The following EYS variants were observed in gnomAD, a reference collection of about 807,000 sequenced individuals.
The protein encoded by EYS is EGF-like photoreceptor maintenance factor.
A neutral mutation model predicts 282.1 loss-of-function variants in EYS; 250 were observed. That is an observed-to-expected ratio of 0.89 (90% CI 0.80 to 0.98). The LOEUF (loss-of-function observed/expected upper bound fraction) is 0.98. Ranked by LOEUF, EYS falls within the 50% of genes least tolerant of loss-of-function variation. EYS has a pLI of 0.00. For synonymous variants in EYS, 1,355 were observed against 1,282.9 expected (o/e 1.06, Z -1.20); for missense variants, 4,016 against 3,709.0 (o/e 1.08, Z -2.15).
chr6:65,077,034 C>G (rs1352561614), intron 12 of EYS, among the ~76,000 whole-genome samples: 1 of 151,798 alleles, frequency 6.6e-6, no homozygotes, highest in African/African-American at 2.4e-5. Flanking sequence ...AACAATGGGG[C>G]AAAAAGTCAA....
At chr6:64,073,353 C>T (rs1195652727) in intron 32 of EYS, among the ~76,000 whole-genome samples, 2 of 151,710 alleles carry the variant, frequency 1.3e-5, no homozygotes, top group African/African-American at 2.4e-5. Context: ...AAATTAATCA[C>T]CTTAGGGAAC....
intron 26 of EYS, 110 bp downstream of exon 26, chr6:64,590,113 G>A (rs1272367932): frequency 1.1e-6 from 1 of 916,754 alleles, no homozygotes; most frequent in African/African-American, 1.7e-5. Context: ...CTGCTGCCCT[G>A]ATTACAATGA....
chr6:63,841,207 T>A lies in EYS; in HGVS notation c.7228+22979A>T, dbSNP rs1771948098. ...GATTCATAATTCTATACTTAAGTTA[T>A]CTTTAAAAAGATAGTTATTTCAGTT... On this transcript the variant is annotated intron_variant, in intron 36 of 42. Transcript: ENST00000503581. Among the ~76,000 whole-genome samples, 3 of 152,206 alleles carry A rather than the reference T, an allele frequency of 2.0e-5. No individual in the cohort carries two copies. The South Asian group carries it at 6.2e-4, about 31-fold the overall frequency.
chr6:64,989,413 A>ATATATATATATATATG (rs1459400818), intron 14 of EYS, among the ~76,000 whole-genome samples: 3 of 122,310 alleles, frequency 2.5e-5, no homozygotes, highest in African/African-American at 1.0e-4. Context: ...ATATATATAT[A>ATATATATATATATATG]TATGAATATA....
chr6:65,123,192 T>C (rs994779542), intron 12 of EYS, among the ~76,000 whole-genome samples: 2 of 152,164 alleles, frequency 1.3e-5, no homozygotes, highest in Admixed American at 6.5e-5. Context: ...TAAAAAAATT[T>C]GTTCACCCTA....
intron 16 of EYS, among the ~76,000 whole-genome samples, chr6:64,910,376 T>A (rs1767954492): frequency 6.6e-6 from 1 of 152,152 alleles, no homozygotes; most frequent in African/African-American, 2.4e-5. Context: ...TTACAGCCTT[T>A]AATTTTTCAT....
At chr6:65,354,153 C>T (rs1426952887) in intron 8 of EYS, among the ~76,000 whole-genome samples, 1 of 151,970 alleles carries the variant, frequency 6.6e-6, no homozygotes, top group African/African-American at 2.4e-5. Flanking sequence ...TAAATGTAAA[C>T]CATTTTAGGT....
At chr6:64,452,238 T>C (rs1775378333) in intron 26 of EYS, among the ~76,000 whole-genome samples, 1 of 152,104 alleles carries the variant, frequency 6.6e-6, no homozygotes, top group Non-Finnish European at 1.5e-5. Context: ...AGCCAAATCA[T>C]GAGTGAACTC....
At chr6:64,521,267 T>C (rs1325165438) in intron 26 of EYS, among the ~76,000 whole-genome samples, 1 of 151,796 alleles carries the variant, frequency 6.6e-6, no homozygotes, top group East Asian at 1.9e-4. Flanking sequence ...CAGAGGCAGA[T>C]TTAAGCCAAA....
intron 12 of EYS, among the ~76,000 whole-genome samples, chr6:65,290,968 T>C (rs1768509087): frequency 1.3e-5 from 2 of 151,492 alleles, no homozygotes; most frequent in East Asian, 1.9e-4. Context: ...TCACCATTAA[T>C]ATTGTACTTT....
At chr6:65,421,815 G>A (rs1017394177) in intron 5 of EYS, among the ~76,000 whole-genome samples, 2 of 151,744 alleles carry the variant, frequency 1.3e-5, no homozygotes, top group Non-Finnish European at 2.9e-5. Context: ...AAAGCAGAAC[G>A]GTCAGTTGGA....
At chr6:65,277,680 G>C (rs1424920119) in intron 12 of EYS, among the ~76,000 whole-genome samples, 1 of 152,078 alleles carries the variant, frequency 6.6e-6, no homozygotes, top group African/African-American at 2.4e-5. Context: ...ATCCATCATA[G>C]TAATTAAGTT....
At chr6:64,681,201 C>G (rs545758109) in intron 22 of EYS, among the ~76,000 whole-genome samples, 77 of 152,034 alleles carry the variant, frequency 5.1e-4, no homozygotes, top group Non-Finnish European at 9.7e-4. Context: ...CTGAAGGCAC[C>G]AGAACATGAC....
At chr6:65,550,741 T>A (rs1285734844) in intron 2 of EYS, among the ~76,000 whole-genome samples, 2 of 6,892 alleles carry the variant, frequency 2.9e-4, no homozygotes, top group Non-Finnish European at 4.3e-4. Context: ...TCTATCATTG[T>A]TGGACATTTG....
intron 35 of EYS, among the ~76,000 whole-genome samples, chr6:63,966,692 C>T (rs1766327047): frequency 6.6e-6 from 1 of 152,168 alleles, no homozygotes; most frequent in Non-Finnish European, 1.5e-5. Flanking sequence ...CCTCTCTGTA[C>T]CTTAGCTTAG....
intron 18 of EYS, among the ~76,000 whole-genome samples, chr6:64,888,656 T>C (rs1767175072): frequency 6.6e-6 from 1 of 152,046 alleles, no homozygotes; most frequent in South Asian, 2.1e-4. Flanking sequence ...AAATACTAAC[T>C]TCTTGAATTT....
intron 41 of EYS, among the ~76,000 whole-genome samples, chr6:63,749,180 G>A (rs1769281538): frequency 6.6e-6 from 1 of 152,078 alleles, no homozygotes; most frequent in African/African-American, 2.4e-5. Flanking sequence ...CTGGTGTGTT[G>A]TATCTTTGTT....
chr6:64,713,295 T>G (rs1396011749), intron 22 of EYS: 1 of 152,072 alleles, frequency 6.6e-6, no homozygotes, highest in African/African-American at 2.4e-5. Context: ...CCTCTCCAAA[T>G]CCAACATAAG....
intron 12 of EYS, among the ~76,000 whole-genome samples, chr6:65,251,880 T>G (rs1582065303): frequency 6.6e-6 from 1 of 151,886 alleles, no homozygotes; most frequent in Non-Finnish European, 1.5e-5. Context: ...ACATCCCTTT[T>G]TTTGTTGTTT....
Sources: allele counts gnomAD v4.1 joint callset (sites outside exome capture counted in the v4.1 genomes callset), GRCh38; gene constraint gnomAD v4.1.1; transcripts MANE v1.5; gene names NCBI Gene and HGNC (gene_info 2026-07-23, HGNC 2026-07-21).